SRCIN1: variants seen among roughly 807,000 people sequenced by gnomAD.
SRCIN1 encodes the protein SRC kinase signaling inhibitor 1.
Under a neutral mutation model 116.2 loss-of-function variants are expected in SRCIN1, and 50 were observed. That is an observed-to-expected ratio of 0.43 (90% CI 0.34 to 0.54). The LOEUF (loss-of-function observed/expected upper bound fraction) is 0.54. Among genes scored for constraint, SRCIN1 ranks in the 20% least tolerant of loss-of-function variants. The probability of loss-of-function intolerance (pLI) is 0.02; values close to 1 mark genes in which losing one functional copy is unlikely to be tolerated. For synonymous variants in SRCIN1, 736 were observed against 750.0 expected, an observed-to-expected ratio of 0.98 and a Z score of 0.30; for missense variants, 1,446 against 1,672.0, an observed-to-expected ratio of 0.86 and a Z score of 2.36.
chr17:38,558,143 G>C lies in SRCIN1; in HGVS notation c.2201+84C>G. On this transcript the variant is annotated intron_variant, in intron 11 of 18. Coordinates refer to ENST00000617146, the MANE Select transcript of SRCIN1 (RefSeq NM_025248.3). This position sits in a 1 kb window ranked among gnomAD's most constrained non-coding sequence, Gnocchi z 4.6. ...ACGCCACCTGTGACTCAGAGGGAAGGGAGCTGCGCCTCCCAGGGAAACCAG... is the reference window on the plus strand; with the variant it reads ...ACGCCACCTGTGACTCAGAGGGAAGCGAGCTGCGCCTCCCAGGGAAACCAG... 1 of 1,489,412 alleles carries C rather than the reference G, an allele frequency of 6.7e-7. No homozygotes were observed. Among genetic ancestry groups the C allele is most frequent in the South Asian group, 1.2e-5 (1 of 81,888 alleles). The allele number at this position is 1,489,412 out of a possible 1,614,324, so 92.3% of individuals were successfully genotyped here. A position where few individuals can be genotyped will look rare whatever the true frequency, so the allele number is the denominator to read the frequency against.
At position 38,578,554 on chromosome 17, in the gene SRCIN1, A is replaced by G. The variant is rs1907578185; in HGVS notation, c.260T>C (p.Leu87Pro). Residue 87 changes from leucine to proline, a missense_variant, in exon 2 of 19, where the codon CTG becomes CCG. Leu to Pro is a moderately conservative substitution (Grantham distance 98). Coordinates refer to ENST00000617146, the MANE Select transcript of SRCIN1 (RefSeq NM_025248.3). ...DRKRDAFMDH[L>P]KSKYPQHALA... is the part of the protein sequence containing the mutation. ...GGCGTGCTGTGGGTACTTGCTCTTC[A>G]GGTGGTCCATGAAGGCATCACGCTT... 1.2e-6 allele frequency: 2 copies of G among 1,607,178 alleles called. No homozygotes were observed. Among genetic ancestry groups the G allele is most frequent in the Non-Finnish European group, 1.7e-6 (2 of 1,174,728 alleles).
rs764304668 is a variant in SRCIN1, at chr17:38,562,791, C to A, written c.834+36G>T. On this transcript the variant is annotated intron_variant, in intron 6 of 18. Transcript: ENST00000617146. This position sits in a 1 kb window ranked among gnomAD's most constrained non-coding sequence, Gnocchi z 4.2. Reference sequence around the variant, plus strand: ...CCTGCTCCCCTGGACCCCATGTGCCCAGCCTCCCCAATGCCCTGGGCATGC... The same window carrying A: ...CCTGCTCCCCTGGACCCCATGTGCCAAGCCTCCCCAATGCCCTGGGCATGC... The A allele has an allele frequency of 1.9e-6, 3 of 1,591,252 alleles. No homozygotes were observed. The African/African-American group carries it at 4.0e-5, about 21-fold the overall frequency.
At position 38,604,021 on chromosome 17, in the gene SRCIN1, G is replaced by A. The variant is rs916962631; in HGVS notation, c.22+1663C>T. 2.0e-5 allele frequency among the ~76,000 whole-genome samples: 3 copies of A among 152,086 alleles called. No homozygotes were observed. The highest frequency in any genetic ancestry group is 7.2e-5 in the African/African-American group (3 of 41,394). ...ACCACCACCATCACAGCTGCCACCA[G>A]TGGCGACAGCCTCACAATCTCCATC... On this transcript the variant is annotated intron_variant, in intron 1 of 18. Transcript: ENST00000617146. This position sits in a 1 kb window ranked among gnomAD's most constrained non-coding sequence, Gnocchi z 4.3.
intron 11 of SRCIN1, among the ~76,000 whole-genome samples, chr17:38,554,583 T>G (rs528458743): frequency 5.3e-4 from 81 of 152,204 alleles, no homozygotes; most frequent in South Asian, 3.5e-3. Flanking sequence ...CCGCTGAAGC[T>G]CCTGTTGGCT....
At position 38,551,246 on chromosome 17, in the gene SRCIN1, G is replaced by C. The variant is rs745779842; in HGVS notation, c.2871C>G (p.Gly957=). Residue 957 remains glycine, a synonymous_variant, in exon 15 of 19, where the codon GGC becomes GGG. Coordinates refer to ENST00000617146, the MANE Select transcript of SRCIN1 (RefSeq NM_025248.3). ...GCTTGTGATCTGGAGTGGGGGCCGG[G>C]CCTGGATGGGCCTTGCTGGCACAGT... is the stretch of plus-strand genomic sequence containing the variant. The part of the protein sequence containing the change: ...DLDCASKAHP[G]PAPTPDHKPP... The C allele has an allele frequency of 1.4e-5, 23 of 1,612,056 alleles. No homozygotes were observed. Among genetic ancestry groups the C allele is most frequent in the Non-Finnish European group, 1.9e-5 (22 of 1,179,050 alleles).
chr17:38,559,728 C>A lies in SRCIN1; in HGVS notation c.1882G>T (p.Gly628Cys). Residue 628 changes from glycine (G) to cysteine (C), a missense_variant, in exon 10 of 19, where the codon GGC (glycine) becomes TGC (cysteine). Gly to Cys is a radical substitution (Grantham distance 159). Transcript: ENST00000617146. The stretch of plus-strand genomic sequence containing the variant: ...CTGCTGGCCGAGGGCGGGGGCGGGC[C>A]GGACACCGGGGTGGCCCCGCTGCTC... Reference protein sequence around the residue: ...GRSSGATPVSGPPPPSASSTP... With the variant: ...GRSSGATPVSCPPPPSASSTP... 3 of 1,558,912 alleles carry A rather than the reference C, an allele frequency of 1.9e-6. 1 individual carries two copies. In the South Asian group the frequency reaches 3.5e-5, roughly 18 times the overall value.
At chr17:38,548,254 C>T (rs906079820) in intron 17 of SRCIN1, among the ~76,000 whole-genome samples, 3 of 152,078 alleles carry the variant, frequency 2.0e-5, no homozygotes, top group Admixed American at 6.5e-5. Context: ...TCTCCAAACT[C>T]GGTGATCTCA....
At chr17:38,553,734 G>A (rs182015874) in intron 11 of SRCIN1, among the ~76,000 whole-genome samples, 2 of 152,250 alleles carry the variant, frequency 1.3e-5, no homozygotes, top group African/African-American at 4.8e-5. Flanking sequence ...CCATCATCCT[G>A]AGGCCTAACA....
At chr17:38,598,967 G>T (rs1310097201) in intron 1 of SRCIN1, among the ~76,000 whole-genome samples, 2 of 152,146 alleles carry the variant, frequency 1.3e-5, no homozygotes, top group African/African-American at 4.8e-5. Context: ...CGGAACAGGA[G>T]GGGGCTGTCT....
chr17:38,599,564 C>A (rs1871125710), intron 1 of SRCIN1, among the ~76,000 whole-genome samples: 1 of 152,212 alleles, frequency 6.6e-6, no homozygotes, highest in South Asian at 2.1e-4. Context: ...ACCACTGGAG[C>A]CTCCCATCCT....
chr17:38,597,152 A>G (rs1298091126), intron 1 of SRCIN1, among the ~76,000 whole-genome samples: 2 of 152,242 alleles, frequency 1.3e-5, no homozygotes, highest in African/African-American at 4.8e-5. Context: ...TAAAACATCG[A>G]CATCCCAGGG....
chr17:38,601,662 GCACACACA>G (rs71138637), intron 1 of SRCIN1, among the ~76,000 whole-genome samples: 1 of 149,840 alleles, frequency 6.7e-6, no homozygotes, highest in East Asian at 2.0e-4. Flanking sequence ...ACGCTCGCGC[GCACACACA>G]CACACACACA....
chr17:38,535,210 T>TTTC (rs1491160098), intron 18 of SRCIN1, among the ~76,000 whole-genome samples: 45 of 89,382 alleles, frequency 5.0e-4, no homozygotes, highest in East Asian at 3.1e-3. Flanking sequence ...TTTTTCTTTC[T>TTTC]TTTTTTTTTT....
rs894127025 is a variant in SRCIN1, at chr17:38,568,697, G to A, written c.325-466C>T. Among the ~76,000 whole-genome samples, 1 of 152,142 alleles carries A rather than the reference G, an allele frequency of 6.6e-6. No individual in the cohort carries two copies. ...CCCAGGGGCAGACAAGTGGAGGGGG[G>A]TTGAGGCAAGTCACTAGTCCACATT... On this transcript the variant is annotated intron_variant, in intron 2 of 18. Transcript: ENST00000617146. This position sits in a 1 kb window ranked among gnomAD's most constrained non-coding sequence, Gnocchi z 4.5.
intron 17 of SRCIN1, chr17:38,547,708 T>C: frequency 3.4e-6 from 1 of 295,500 alleles, no homozygotes; most frequent in Non-Finnish European, 6.7e-6. Flanking sequence ...GAGGAAGCTG[T>C]GGGGGCACAG....
chr17:38,560,031 G>T, intron 9 of SRCIN1, 23 bp downstream of exon 9: 2 of 1,521,770 alleles, frequency 1.3e-6, no homozygotes, highest in Non-Finnish European at 1.8e-6. Context: ...GAACAAGGAT[G>T]GGGGAGGGGG....
At chr17:38,590,208 C>T (rs1021434422) in intron 1 of SRCIN1, among the ~76,000 whole-genome samples, 5 of 152,208 alleles carry the variant, frequency 3.3e-5, no homozygotes, top group African/African-American at 1.2e-4. Context: ...TTTCTGGAAG[C>T]TGTGGGAAAT....
Position 38,560,392 on chromosome 17 carries a change from G to A in SRCIN1, c.1734C>T (p.Ala578=), listed in dbSNP as rs1169094408. 5 of 1,612,018 alleles carry A rather than the reference G, an allele frequency of 3.1e-6. No individual in the cohort carries two copies. Among genetic ancestry groups the A allele is most frequent in the East Asian group, 2.2e-5 (1 of 44,872 alleles). The part of the protein sequence containing the change: ...ERMEAMEKQI[A]SLTGLVQSAL... ...CGCTCTGCACCAGGCCTGTGAGGCT[G>A]GCAATCTGCTTCTCCATGGCCTCCA... Residue 578 remains alanine, a synonymous_variant, in exon 8 of 19, where the codon GCC becomes GCT. Transcript: ENST00000617146.
At chr17:38,584,328 T>A (rs912913947) in intron 1 of SRCIN1, among the ~76,000 whole-genome samples, 3 of 152,160 alleles carry the variant, frequency 2.0e-5, no homozygotes, top group Non-Finnish European at 4.4e-5. Context: ...GGAACCTCAG[T>A]GTGCAAGGCT....
Sources: allele counts gnomAD v4.1 joint callset (sites outside exome capture counted in the v4.1 genomes callset), GRCh38; gene constraint gnomAD v4.1.1; non-coding constraint Gnocchi (gnomAD v3.1); transcripts MANE v1.5; gene names NCBI Gene and HGNC (gene_info 2026-07-23, HGNC 2026-07-21).